Variants in MKLN1 observed in about 807,000 individuals in gnomAD.
The protein encoded by MKLN1 is muskelin.
A neutral mutation model predicts 99.0 loss-of-function variants in MKLN1; 18 were observed. The ratio of observed to expected loss-of-function variants is 0.18; its 90% CI spans 0.13 to 0.27. The LOEUF (loss-of-function observed/expected upper bound fraction) is 0.27, where lower values mean the gene tolerates loss of function less well. MKLN1 is among the 10% of genes least tolerant of loss of function. MKLN1 has a pLI of 1.00. For synonymous variants in MKLN1, 288 were observed against 293.2 expected, an observed-to-expected ratio of 0.98 and a Z score of 0.18; for missense variants, 621 against 875.9, an observed-to-expected ratio of 0.71 and a Z score of 3.67.
At chr7:131,211,003 C>T (rs1232206773) in intron 3 of MKLN1, among the ~76,000 whole-genome samples, 1 of 151,620 alleles carries the variant, frequency 6.6e-6, no homozygotes, top group Non-Finnish European at 1.5e-5. Context: ...CAACACTGTC[C>T]TGGACTAGAG....
chr7:131,350,401 C>A (rs917951108), intron 1 of MKLN1, among the ~76,000 whole-genome samples: 1 of 152,068 alleles, frequency 6.6e-6, no homozygotes, highest in Non-Finnish European at 1.5e-5. Flanking sequence ...ACAAACTTAG[C>A]AGCTTAAAAC....
chr7:131,208,081 C>T (rs527792515), intron 3 of MKLN1, among the ~76,000 whole-genome samples: 1 of 152,142 alleles, frequency 6.6e-6, no homozygotes, highest in South Asian at 2.1e-4. Flanking sequence ...AAAATGCTAC[C>T]ATATTATTGG....
intron 3 of MKLN1, among the ~76,000 whole-genome samples, chr7:131,232,286 C>G (rs1797254770): frequency 6.6e-6 from 1 of 152,082 alleles, no homozygotes; most frequent in African/African-American, 2.4e-5. Flanking sequence ...AATTATAGAT[C>G]CCAGTGATGT....
At chr7:131,294,710 C>T (rs1798266260) in intron 3 of MKLN1, among the ~76,000 whole-genome samples, 1 of 152,188 alleles carries the variant, frequency 6.6e-6, no homozygotes, top group African/African-American at 2.4e-5. Context: ...CTTCCTTTCC[C>T]TTGTGTAACA....
chr7:131,444,746 AGTAGTAGT>A (rs1563351849), intron 11 of MKLN1, among the ~76,000 whole-genome samples: 36 of 101,178 alleles, frequency 3.6e-4, no homozygotes, highest in South Asian at 6.0e-4. Flanking sequence ...TAGTAGTAGT[AGTAGTAGT>A]AGTAGAAGAA....
chr7:131,154,391 A>C (rs1232423383), intron 2 of MKLN1, among the ~76,000 whole-genome samples: 1 of 152,180 alleles, frequency 6.6e-6, no homozygotes, highest in Non-Finnish European at 1.5e-5. Context: ...TAATTGTGGT[A>C]ATTCTAATCT....
chr7:131,349,056 G>C (rs372330292), intron 1 of MKLN1, among the ~76,000 whole-genome samples: 2 of 152,084 alleles, frequency 1.3e-5, no homozygotes, highest in Admixed American at 6.5e-5. Context: ...ACATGTTATA[G>C]TTCATATTAA....
chr7:131,468,203 G>T (rs1265669534), intron 15 of MKLN1, among the ~76,000 whole-genome samples: 1 of 152,176 alleles, frequency 6.6e-6, no homozygotes, highest in Non-Finnish European at 1.5e-5. Flanking sequence ...AGCAGTCGAG[G>T]ATGACTCTTA....
chr7:131,291,580 TTATATA>T (rs34732483), intron 3 of MKLN1, among the ~76,000 whole-genome samples: 64 of 145,088 alleles, frequency 4.4e-4, no homozygotes, highest in South Asian at 1.3e-3. Flanking sequence ...CTTTCATTTA[TTATATA>T]TATATATATA....
chr7:131,285,980 C>T (rs1188143273), intron 3 of MKLN1, among the ~76,000 whole-genome samples: 1 of 145,808 alleles, frequency 6.9e-6, no homozygotes, highest in East Asian at 2.0e-4. Flanking sequence ...TTTTGAGACA[C>T]AGTTTCACTC....
chr7:131,319,204 T>C (rs1563290539), intron 3 of MKLN1, among the ~76,000 whole-genome samples: 1 of 152,116 alleles, frequency 6.6e-6, no homozygotes, highest in African/African-American at 2.4e-5. Flanking sequence ...CAATAAAATA[T>C]TGGCAAACCG....
intron 3 of MKLN1, among the ~76,000 whole-genome samples, chr7:131,272,742 A>G (rs761213641): frequency 1.3e-5 from 2 of 152,180 alleles, no homozygotes; most frequent in Non-Finnish European, 2.9e-5. Flanking sequence ...AAAATGAGGA[A>G]GAAGCAAAAG....
intron 2 of MKLN1, among the ~76,000 whole-genome samples, chr7:131,169,767 T>C (rs1796190011): frequency 6.6e-6 from 1 of 152,224 alleles, no homozygotes; most frequent in East Asian, 1.9e-4. Flanking sequence ...AATAACTCAT[T>C]TATTTTCAAG....
At chr7:131,446,973 G>A (rs185032317) in intron 12 of MKLN1, among the ~76,000 whole-genome samples, 43 of 152,280 alleles carry the variant, frequency 2.8e-4, no homozygotes, top group African/African-American at 8.4e-4. Flanking sequence ...AGAAAAATCT[G>A]TTGATGAGTA....
chr7:131,463,885 T>G (rs975779961), intron 13 of MKLN1, among the ~76,000 whole-genome samples: 4 of 152,186 alleles, frequency 2.6e-5, no homozygotes, highest in Admixed American at 2.6e-4. Flanking sequence ...TCAGAGAGCT[T>G]CTCCATTCAT....
intron 1 of MKLN1, among the ~76,000 whole-genome samples, chr7:131,340,984 G>A (rs949252085): frequency 7.9e-5 from 12 of 152,042 alleles, no homozygotes; most frequent in Non-Finnish European, 1.5e-4. Context: ...TTTTTATTAT[G>A]AAGTTATTTA....
chr7:131,443,251 A>G (rs1429278735), intron 10 of MKLN1, among the ~76,000 whole-genome samples: 2 of 152,250 alleles, frequency 1.3e-5, no homozygotes, highest in Non-Finnish European at 2.9e-5. Flanking sequence ...TGCAATTTCA[A>G]GAAAGCAGAA....
intron 3 of MKLN1, among the ~76,000 whole-genome samples, chr7:131,303,064 A>G (rs1258712766): frequency 1.3e-5 from 2 of 152,146 alleles, no homozygotes; most frequent in East Asian, 3.9e-4. Context: ...TCCTTCATAC[A>G]TGTTTCAAGG....
chr7:131,392,544 T>C (rs1410346674), intron 4 of MKLN1, among the ~76,000 whole-genome samples: 1 of 152,076 alleles, frequency 6.6e-6, no homozygotes, highest in African/African-American at 2.4e-5. Flanking sequence ...TGTAGTAGAA[T>C]AGTAGATGCA....
Sources: allele counts gnomAD v4.1 joint callset (sites outside exome capture counted in the v4.1 genomes callset), GRCh38; gene constraint gnomAD v4.1.1; transcripts MANE v1.5; gene names NCBI Gene and HGNC (gene_info 2026-07-23, HGNC 2026-07-21).